Variants in ADCY5 observed in about 807,000 individuals in gnomAD.
ADCY5 encodes adenylate cyclase type 5.
Under a neutral mutation model 119.7 loss-of-function variants are expected in ADCY5, and 30 were observed. That is an observed-to-expected ratio of 0.25 (90% confidence interval 0.19 to 0.34). ADCY5 has a LOEUF of 0.34. Ranked by LOEUF, ADCY5 falls within the 10% of genes least tolerant of loss-of-function variation. The pLI is 1.00. For synonymous variants in ADCY5, 753 were observed against 762.2 expected, an observed-to-expected ratio of 0.99 and a Z score of 0.20; for missense variants, 1,324 against 1,775.2, an observed-to-expected ratio of 0.75 and a Z score of 4.57.
chr3:123,317,025 G>A (rs992807302), intron 11 of ADCY5, among the ~76,000 whole-genome samples: 2 of 99,922 alleles, frequency 2.0e-5, no homozygotes, highest in African/African-American at 5.8e-5. Flanking sequence ...ATACATATAC[G>A]TATATGTATG....
At chr3:123,438,085 G>A (rs1203550492) in intron 1 of ADCY5, among the ~76,000 whole-genome samples, 1 of 152,112 alleles carries the variant, frequency 6.6e-6, no homozygotes, top group Non-Finnish European at 1.5e-5. Flanking sequence ...GGATAGGCCT[G>A]GCCCAGAGGC....
At chr3:123,419,462 T>G (rs1381408816) in intron 1 of ADCY5, among the ~76,000 whole-genome samples, 2 of 152,028 alleles carry the variant, frequency 1.3e-5, no homozygotes, top group African/African-American at 4.8e-5. Flanking sequence ...TGCATCAGCC[T>G]CCTCAATCCT....
chr3:123,426,832 A>T (rs557888890), intron 1 of ADCY5, among the ~76,000 whole-genome samples: 1 of 152,094 alleles, frequency 6.6e-6, no homozygotes, highest in Non-Finnish European at 1.5e-5. Flanking sequence ...CCTCAGAGGC[A>T]CTCAGTGGGG....
At position 123,314,329 on chromosome 3, in the gene ADCY5, G is replaced by C; in HGVS notation, c.2355-7C>G. On this transcript the variant is annotated splice_region_variant and splice_polypyrimidine_tract_variant and intron_variant, in intron 11 of 20. Coordinates refer to ENST00000462833, the MANE Select transcript of ADCY5 (RefSeq NM_183357.3). ...GCTGAGCATGAATATGGAGCTGGAA[G>C]GAGAGAGGAGGGGAGGGAGAAGCCA... The C allele has an allele frequency of 6.2e-7, 1 of 1,606,938 alleles. No individual in the cohort carries two copies. Among genetic ancestry groups the C allele is most frequent in the Non-Finnish European group, 8.5e-7 (1 of 1,174,498 alleles).
chr3:123,353,593 TG>T (rs137969104), intron 1 of ADCY5, among the ~76,000 whole-genome samples: 1,554 of 152,284 alleles, frequency 0.01, 31 homozygotes, highest in African/African-American at 0.035. Flanking sequence ...AAAAGGAGCC[TG>T]GGTCAGCCGC....
Position 123,448,186 on chromosome 3 carries a change from C to T in ADCY5, c.360G>A (p.Arg120=), listed in dbSNP as rs760254061. The change falls in exon 1 of 21, where the codon CGG becomes CGA. Residue 120 remains arginine, a synonymous_variant. Coordinates refer to ENST00000462833, the MANE Select transcript of ADCY5 (RefSeq NM_183357.3). ...GGGTGCTGCCCCCGCTGGCCGCGCC[C>T]CGCCGCTGCCGGCGGCTGCCGCGAC... ...DCGRGSRRQR[R]GAASGGSTRA... The T allele has an allele frequency of 8.2e-7, 1 of 1,213,558 alleles. No homozygotes were observed. Among genetic ancestry groups the T allele is most frequent in the East Asian group, 3.4e-5 (1 of 29,748 alleles). The allele number at this position is 1,213,558 out of a possible 1,614,324, so 75.2% of individuals were successfully genotyped here. A position where few individuals can be genotyped will look rare whatever the true frequency, so the allele number is the denominator to read the frequency against.
At chr3:123,369,497 C>T (rs908312168) in intron 1 of ADCY5, among the ~76,000 whole-genome samples, 5 of 152,178 alleles carry the variant, frequency 3.3e-5, no homozygotes, top group African/African-American at 1.2e-4. Flanking sequence ...GGAGATGAGA[C>T]ATGAAACAAG....
At chr3:123,293,076 A>G (rs1263337161) in intron 17 of ADCY5, among the ~76,000 whole-genome samples, 1 of 152,164 alleles carries the variant, frequency 6.6e-6, no homozygotes, top group Non-Finnish European at 1.5e-5. Flanking sequence ...AATGCAGCCA[A>G]CTACTTCTGG....
At chr3:123,415,362 CCAGAGT>C (rs1945162339) in intron 1 of ADCY5, among the ~76,000 whole-genome samples, 2 of 152,180 alleles carry the variant, frequency 1.3e-5, no homozygotes, top group Non-Finnish European at 2.9e-5. Context: ...CACGCCAGAG[CCAGAGT>C]GGGCCCGCCA....
At chr3:123,296,977 C>T (rs755977254) in intron 16 of ADCY5, 91 of 1,535,602 alleles carry the variant, frequency 5.9e-5, no homozygotes, top group Non-Finnish European at 7.7e-5. Context: ...CTGCAGCCCT[C>T]GCCTTTGTTC....
At chr3:123,409,830 C>G (rs1360085584) in intron 1 of ADCY5, among the ~76,000 whole-genome samples, 24 of 152,210 alleles carry the variant, frequency 1.6e-4, no homozygotes. Context: ...CGGCCCCTCC[C>G]ACCCTCCAAG....
intron 11 of ADCY5, among the ~76,000 whole-genome samples, chr3:123,317,751 A>AG (rs1940995518): frequency 3.3e-5 from 1 of 30,452 alleles, no homozygotes; most frequent in Non-Finnish European, 1.0e-4. Context: ...ACGCCGACCC[A>AG]AAAAAAAAAA....
chr3:123,381,321 G>A (rs539864983), intron 1 of ADCY5, among the ~76,000 whole-genome samples: 114 of 152,306 alleles, frequency 7.5e-4, no homozygotes, highest in Non-Finnish European at 1.4e-3. Context: ...CCATTCTCCT[G>A]GAAGTCTTTA....
chr3:123,364,069 C>T (rs542842065), intron 1 of ADCY5, among the ~76,000 whole-genome samples: 2 of 152,032 alleles, frequency 1.3e-5, no homozygotes, highest in Non-Finnish European at 2.9e-5. Context: ...ACTCATGATC[C>T]CAATTTTTCA....
intron 1 of ADCY5, among the ~76,000 whole-genome samples, chr3:123,381,582 C>T (rs543021948): frequency 1.4e-4 from 21 of 152,320 alleles, no homozygotes; most frequent in Admixed American, 7.2e-4. Flanking sequence ...CACAGGGCTC[C>T]ACACTGAGTT....
intron 8 of ADCY5, among the ~76,000 whole-genome samples, chr3:123,324,624 C>T (rs1210778842): frequency 6.6e-6 from 1 of 152,172 alleles, no homozygotes; most frequent in Non-Finnish European, 1.5e-5. Flanking sequence ...CTTCTTCCTC[C>T]TCTTCCCACC....
chr3:123,378,413 C>T (rs1454535003), intron 1 of ADCY5, among the ~76,000 whole-genome samples: 1 of 152,212 alleles, frequency 6.6e-6, no homozygotes, highest in African/African-American at 2.4e-5. Context: ...ACTTCCCACC[C>T]TGTCTGGGAA....
chr3:123,360,082 C>A (rs893968989), intron 1 of ADCY5, among the ~76,000 whole-genome samples: 2 of 150,504 alleles, frequency 1.3e-5, no homozygotes, highest in Middle Eastern at 3.4e-3. Flanking sequence ...TTAACTATTA[C>A]ATATTTTTAA....
chr3:123,318,141 GA>G, intron 10 of ADCY5, 24 bp from the exon 11 acceptor site: 1 of 1,593,518 alleles, frequency 6.3e-7, no homozygotes. Context: ...GGCAGGGTGA[GA>G]GGGGCCAAGG....
Sources: gnomAD v4.1 joint callset for allele counts (sites outside exome capture counted in the v4.1 genomes callset) on GRCh38, gnomAD v4.1.1 for gene constraint, MANE v1.5 for transcripts, NCBI Gene and HGNC (gene_info 2026-07-23, HGNC 2026-07-21) for gene names.